The following PARD3 variants were observed in gnomAD, a reference collection of about 807,000 sequenced individuals.
PARD3 encodes par-3 family cell polarity regulator, also known as partitioning defective 3 homolog.
In PARD3, 75 loss-of-function variants were observed where a neutral mutation model predicts 155.4. The observed-to-expected ratio is 0.48, with a 90% CI of 0.40 to 0.58. The LOEUF is 0.58. PARD3 is among the 20% of genes least tolerant of loss of function. PARD3 has a pLI of 0.00. For synonymous variants in PARD3, 576 were observed against 610.5 expected (o/e 0.94, Z 0.83); for missense variants, 1,642 against 1,721.7 (o/e 0.95, Z 0.82).
chr10:34,349,748 CAA>C (rs1202905117), intron 14 of PARD3, among the ~76,000 whole-genome samples: 1 of 152,010 alleles, frequency 6.6e-6, no homozygotes, highest in Non-Finnish European at 1.5e-5. Context: ...AATAATTTAT[CAA>C]AAGACAGACA....
At chr10:34,663,358 C>G (rs1488093182) in intron 2 of PARD3, among the ~76,000 whole-genome samples, 1 of 151,924 alleles carries the variant, frequency 6.6e-6, no homozygotes, top group Non-Finnish European at 1.5e-5. Context: ...CTTAGCTACT[C>G]GGGAGGCTGA....
chr10:34,733,455 A>G (rs2094853396), intron 1 of PARD3, among the ~76,000 whole-genome samples: 2 of 152,204 alleles, frequency 1.3e-5, no homozygotes, highest in South Asian at 4.2e-4. Flanking sequence ...TCAGCTTAAA[A>G]AAACAACTAG....
intron 5 of PARD3, among the ~76,000 whole-genome samples, chr10:34,417,957 A>G (rs2132384705): frequency 6.6e-6 from 1 of 152,288 alleles, no homozygotes; most frequent in South Asian, 2.1e-4. Context: ...TTTTTTCAGT[A>G]AAAGCATATT....
intron 24 of PARD3, among the ~76,000 whole-genome samples, chr10:34,112,180 T>G (rs905571627): frequency 2.0e-5 from 3 of 152,226 alleles, no homozygotes; most frequent in African/African-American, 7.2e-5. Flanking sequence ...CTCTCCGGGA[T>G]ACCTGCTCAT....
At position 34,707,161 on chromosome 10, in the gene PARD3, G is replaced by A. The variant is rs1439873410; in HGVS notation, c.121-10742C>T. Among the ~76,000 whole-genome samples, 6 of 151,544 alleles carry A rather than the reference G, an allele frequency of 4.0e-5. No individual in the cohort carries two copies. In the East Asian group the frequency reaches 7.8e-4, roughly 20 times the overall value. ...CTTGGGAAGCTGAGGTGGGATGATCGCTTCAGCCCAGGAGGTCAAGGCTGC... is the reference window on the plus strand; with the variant it reads ...CTTGGGAAGCTGAGGTGGGATGATCACTTCAGCCCAGGAGGTCAAGGCTGC... On this transcript the variant is annotated intron_variant, in intron 1 of 24. Transcript: ENST00000374788.
chr10:34,785,732 C>A (rs73259157), intron 1 of PARD3, among the ~76,000 whole-genome samples: 516 of 152,176 alleles, frequency 3.4e-3, no homozygotes, highest in African/African-American at 0.012. Context: ...ATGGGACAGG[C>A]TCATGTGAAG....
At chr10:34,309,749 C>G (rs1353810335) in intron 20 of PARD3, among the ~76,000 whole-genome samples, 2 of 110,790 alleles carry the variant, frequency 1.8e-5, no homozygotes, top group African/African-American at 3.8e-5. Context: ...CCATCTCCCC[C>G]ACCCCCCCGC....
chr10:34,612,766 C>G (rs1366554877), intron 2 of PARD3, among the ~76,000 whole-genome samples: 2 of 152,154 alleles, frequency 1.3e-5, no homozygotes, highest in African/African-American at 2.4e-5. Context: ...GTCATCATAG[C>G]AATGCTGCAA....
chr10:34,276,014 A>C (rs1955860399), intron 21 of PARD3, among the ~76,000 whole-genome samples: 1 of 152,270 alleles, frequency 6.6e-6, no homozygotes, highest in Admixed American at 6.5e-5. Flanking sequence ...TATTGCTTTA[A>C]ACATTTCAGT....
intron 22 of PARD3, among the ~76,000 whole-genome samples, chr10:34,156,050 C>T (rs1202179229): frequency 2.0e-5 from 3 of 151,122 alleles, no homozygotes; most frequent in Non-Finnish European, 4.4e-5. Flanking sequence ...CCTATGCATG[C>T]CATGTGACCT....
At chr10:34,267,121 A>ATT (rs11365497) in intron 22 of PARD3, among the ~76,000 whole-genome samples, 4 of 149,892 alleles carry the variant, frequency 2.7e-5, no homozygotes, top group Non-Finnish European at 4.4e-5. Flanking sequence ...ATGTCAACTA[A>ATT]TTTTTTTTTT....
intron 5 of PARD3, among the ~76,000 whole-genome samples, chr10:34,432,337 T>TACATACAC (rs1207917998): frequency 1.4e-5 from 2 of 143,456 alleles, no homozygotes; most frequent in Non-Finnish European, 3.0e-5. Flanking sequence ...CACGTGCACA[T>TACATACAC]ACACACACAC....
At chr10:34,657,903 T>C (rs1316734905) in intron 2 of PARD3, among the ~76,000 whole-genome samples, 2 of 151,608 alleles carry the variant, frequency 1.3e-5, no homozygotes, top group Middle Eastern at 3.4e-3. Flanking sequence ...TCCCAGCACT[T>C]TGGGAGGCCG....
chr10:34,267,736 C>T (rs1245712005), intron 22 of PARD3, among the ~76,000 whole-genome samples: 1 of 152,174 alleles, frequency 6.6e-6, no homozygotes, highest in Non-Finnish European at 1.5e-5. Context: ...ATTTCCCGTA[C>T]ATCTCTAGCC....
intron 2 of PARD3, among the ~76,000 whole-genome samples, chr10:34,641,777 C>T (rs1049922098): frequency 3.3e-5 from 5 of 152,178 alleles, no homozygotes; most frequent in Admixed American, 6.5e-5. Context: ...GGGAGGCATG[C>T]GCCTCGTGGG....
chr10:34,429,735 AT>A (rs1237762855), intron 5 of PARD3, among the ~76,000 whole-genome samples: 6 of 152,146 alleles, frequency 3.9e-5, no homozygotes, highest in African/African-American at 1.4e-4. Flanking sequence ...ACAGATGCCC[AT>A]CAACATGCCC....
intron 1 of PARD3, among the ~76,000 whole-genome samples, chr10:34,712,599 G>A (rs886840996): frequency 5.9e-5 from 9 of 152,170 alleles, no homozygotes; most frequent in Non-Finnish European, 1.3e-4. Context: ...AGGCTCAGAC[G>A]CTAACCTGGA....
At chr10:34,298,377 A>G (rs1405686105) in intron 20 of PARD3, among the ~76,000 whole-genome samples, 1 of 152,230 alleles carries the variant, frequency 6.6e-6, no homozygotes, top group Non-Finnish European at 1.5e-5. Flanking sequence ...TGGATAAACA[A>G]AATGACGTAT....
intron 1 of PARD3, among the ~76,000 whole-genome samples, chr10:34,756,014 C>A (rs1836668803): frequency 6.6e-6 from 1 of 152,014 alleles, no homozygotes; most frequent in African/African-American, 2.4e-5. Context: ...CACAGGAGCA[C>A]CAAACTTACA....
Sources: allele counts gnomAD v4.1 joint callset (sites outside exome capture counted in the v4.1 genomes callset), GRCh38; gene constraint gnomAD v4.1.1; transcripts MANE v1.5; gene names NCBI Gene and HGNC (gene_info 2026-07-23, HGNC 2026-07-21).